GAD1: variants seen among roughly 807,000 people sequenced by gnomAD.
The protein encoded by GAD1 is glutamate decarboxylase 1.
GAD1 carries 35 observed loss-of-function variants against 75.2 expected under a neutral mutation model. That is an observed-to-expected ratio of 0.47 (90% CI 0.36 to 0.62). The LOEUF (loss-of-function observed/expected upper bound fraction) is 0.62, where lower values mean the gene tolerates loss of function less well. Ranked by LOEUF, GAD1 falls within the 20% of genes least tolerant of loss-of-function variation. GAD1 has a pLI of 0.00. For synonymous variants in GAD1, 257 were observed against 271.9 expected (o/e 0.95, Z 0.54); for missense variants, 490 against 758.5 (o/e 0.65, Z 4.16).
At chr2:170,852,442 T>C (rs532130903) in intron 12 of GAD1, 9 of 476,298 alleles carry the variant, frequency 1.9e-5, no homozygotes, top group South Asian at 8.5e-5. Context: ...CATATTGATA[T>C]AATACCTGAA....
rs150317008 is a variant in GAD1, at chr2:170,851,384, T to C, written c.1185-1330T>C. 1.6e-4 allele frequency among the ~76,000 whole-genome samples: 24 copies of C among 152,344 alleles called. No individual in the cohort carries two copies. The East Asian group carries it at 4.2e-3, about 27-fold the overall frequency. On this transcript the variant is annotated intron_variant, in intron 12 of 16. Coordinates refer to ENST00000358196, the MANE Select transcript of GAD1 (RefSeq NM_000817.3). ...ATGACCTGACACTGATGCTTTTTAG[T>C]GAGCTAAGCACTTAGTTAACTTTCC... is the stretch of plus-strand genomic sequence containing the variant.
chr2:170,845,030 C>T (rs1702600283), intron 7 of GAD1, among the ~76,000 whole-genome samples: 1 of 152,170 alleles, frequency 6.6e-6, no homozygotes, highest in Non-Finnish European at 1.5e-5. Context: ...CTCAGTTGGG[C>T]TGAAGAGAGC....
In GAD1 at chr2:170,829,836, G is replaced by A; in HGVS notation, c.304+203G>A. On this transcript the variant is annotated intron_variant, in intron 4 of 16. Transcript: ENST00000358196. ...CCAGGTCTCCATCATTTTGGAAACTGGATGAAGGCAGTCAATAAAAGTCAA... is the reference window on the plus strand; with the variant it reads ...CCAGGTCTCCATCATTTTGGAAACTAGATGAAGGCAGTCAATAAAAGTCAA... The A allele has an allele frequency of 5.1e-6, 3 of 591,606 alleles. No homozygotes were observed. The South Asian group carries it at 6.0e-5, about 12-fold the overall frequency. The allele number at this position is 591,606 out of a possible 1,614,324, so 36.6% of individuals were successfully genotyped here. A position where few individuals can be genotyped will look rare whatever the true frequency, so the allele number is the denominator to read the frequency against.
intron 14 of GAD1, among the ~76,000 whole-genome samples, 175 bp from the exon 15 acceptor site, chr2:170,856,843 C>A (rs569297529): frequency 1.3e-5 from 2 of 152,308 alleles, no homozygotes; most frequent in East Asian, 3.9e-4. Context: ...AGGCACACAT[C>A]ATTTATTGCA....
chr2:170,822,682 T>C (rs1265893367), intron 3 of GAD1, among the ~76,000 whole-genome samples: 1 of 152,228 alleles, frequency 6.6e-6, no homozygotes, highest in African/African-American at 2.4e-5. Context: ...TTGAAAGTGG[T>C]CTCTCCACCT....
chr2:170,822,029 C>A, intron 2 of GAD1, 58 bp from the exon 3 acceptor site: 2 of 1,384,488 alleles, frequency 1.4e-6, no homozygotes, highest in South Asian at 1.2e-5. Context: ...GTCCTCCACC[C>A]ATTTCCCCGC....
At chr2:170,826,873 G>A (rs1269375656) in intron 3 of GAD1, among the ~76,000 whole-genome samples, 1 of 152,184 alleles carries the variant, frequency 6.6e-6, no homozygotes, top group East Asian at 1.9e-4. Flanking sequence ...CAGAGTTCAG[G>A]TGCCATCTGA....
At chr2:170,813,970 A>G (rs1701654420), upstream of GAD1, among the ~76,000 whole-genome samples, 1 of 152,144 alleles carries the variant, frequency 6.6e-6, no homozygotes, top group Non-Finnish European at 1.5e-5. Flanking sequence ...AGCGCTTCAA[A>G]TACAATCGAA....
At position 170,860,067 on chromosome 2, in the gene GAD1, TA is replaced by T. The variant is rs1702931091; in HGVS notation, c.*190del. 2 of 646,758 alleles carry T rather than the reference TA, an allele frequency of 3.1e-6. No individual in the cohort carries two copies. The highest frequency in any genetic ancestry group is 5.4e-6 in the Non-Finnish European group (2 of 370,618). 40.1% of individuals were successfully genotyped at this position (646,758 alleles called of 1,614,324 possible). A position where few individuals can be genotyped will look rare whatever the true frequency, so the allele number is the denominator to read the frequency against. ...AGTTAGCAGGAAATAGTGTTCTTTTTAAAAAGTTGCACATTAGGAACAGAGT... is the reference window on the plus strand; with the variant it reads ...AGTTAGCAGGAAATAGTGTTCTTTTTAAAAGTTGCACATTAGGAACAGAGT... On this transcript the variant is annotated 3_prime_UTR_variant, in exon 17 of 17. Coordinates refer to ENST00000358196, the MANE Select transcript of GAD1 (RefSeq NM_000817.3).
chr2:170,817,816 T>G (rs1272156062), intron 1 of GAD1: 1 of 152,512 alleles, frequency 6.6e-6, no homozygotes, highest in Non-Finnish European at 1.5e-5. Flanking sequence ...GCCCTAGGCT[T>G]AGCGATGGCT....
chr2:170,820,338 G>A (rs1348484815), intron 2 of GAD1, among the ~76,000 whole-genome samples: 1 of 152,246 alleles, frequency 6.6e-6, no homozygotes, highest in African/African-American at 2.4e-5. Context: ...TCGCCTGGAA[G>A]CTGCCAAAGC....
At position 170,829,477 on chromosome 2, in the gene GAD1, T is replaced by C; in HGVS notation, c.148T>C (p.Phe50Leu). ...TRKLGLKICGFLQRTNSLEEK... is the reference protein window; with the variant it reads ...TRKLGLKICGLLQRTNSLEEK... ...CTGACCAGCTTCTTGTGCCATAGGC[T>C]TCTTGCAAAGGACCAACAGCCTGGA... Residue 50 changes from phenylalanine to leucine, a missense_variant and splice_region_variant, in exon 4 of 17, where the codon TTC becomes CTC. Transcript: ENST00000358196. 6.2e-7 allele frequency: 1 copy of C among 1,613,004 alleles called. No homozygotes were observed. Among genetic ancestry groups the C allele is most frequent in the Non-Finnish European group, 8.5e-7 (1 of 1,180,048 alleles).
At chr2:170,836,670 C>A (rs1196893994) in intron 5 of GAD1, 123 bp from the exon 6 acceptor site, 16 of 738,692 alleles carry the variant, frequency 2.2e-5, no homozygotes, top group Non-Finnish European at 4.0e-5. Flanking sequence ...CCTTGAGCAG[C>A]CTTATTCGAC....
intron 2 of GAD1, among the ~76,000 whole-genome samples, chr2:170,819,836 C>T (rs1325804842): frequency 6.6e-6 from 1 of 152,220 alleles, no homozygotes; most frequent in Non-Finnish European, 1.5e-5. Context: ...TAAGTATCCT[C>T]ATCAATGAAG....
intron 6 of GAD1, among the ~76,000 whole-genome samples, chr2:170,843,478 T>C (rs1290227328): frequency 6.6e-6 from 1 of 152,236 alleles, no homozygotes; most frequent in Non-Finnish European, 1.5e-5. Flanking sequence ...ACCATGTAGA[T>C]AATTATATTG....
chr2:170,830,825 G>T, intron 4 of GAD1, 125 bp from the exon 5 acceptor site: 1 of 1,221,996 alleles, frequency 8.2e-7, no homozygotes. Context: ...GATTCTCAGT[G>T]CACATACATA....
At chr2:170,828,546 C>T (rs1422431665) in intron 3 of GAD1, among the ~76,000 whole-genome samples, 2 of 143,890 alleles carry the variant, frequency 1.4e-5, no homozygotes, top group African/African-American at 2.6e-5. Flanking sequence ...CTGCTGTCCT[C>T]ACCCTCCTAC....
chr2:170,831,808 T>C (rs1167173428), intron 5 of GAD1, among the ~76,000 whole-genome samples: 1 of 146,030 alleles, frequency 6.8e-6, no homozygotes, highest in East Asian at 1.9e-4. Flanking sequence ...AAATATAAAT[T>C]ATATAATATT....
intron 15 of GAD1, among the ~76,000 whole-genome samples, chr2:170,857,943 A>G (rs1377841337): frequency 6.6e-6 from 1 of 152,254 alleles, no homozygotes; most frequent in Non-Finnish European, 1.5e-5. Flanking sequence ...GAATAAAAGA[A>G]AATCCACTTA....
Sources: gnomAD v4.1 joint callset for allele counts (sites outside exome capture counted in the v4.1 genomes callset) on GRCh38, gnomAD v4.1.1 for gene constraint, MANE v1.5 for transcripts, NCBI Gene and HGNC (gene_info 2026-07-23, HGNC 2026-07-21) for gene names.